PPARGC1B: variants seen among roughly 807,000 people sequenced by gnomAD.
PPARGC1B encodes the protein PPARG coactivator 1 beta.
PPARGC1B carries 34 observed loss-of-function variants against 101.6 expected under a neutral mutation model. The observed-to-expected ratio is 0.33, with a 90% CI of 0.25 to 0.45. PPARGC1B has a LOEUF of 0.45. Ranked by LOEUF, PPARGC1B falls within the 20% of genes least tolerant of loss-of-function variation. The probability of loss-of-function intolerance (pLI) is 1.00; values close to 1 mark genes in which losing one functional copy is unlikely to be tolerated. For synonymous variants in PPARGC1B, 548 were observed against 539.3 expected (o/e 1.02, Z -0.22); for missense variants, 1,234 against 1,317.6 (o/e 0.94, Z 0.98).
rs201635339 is a variant in PPARGC1B, at chr5:149,791,564, AGT to A, written c.79-28861_79-28860del. Among the ~76,000 whole-genome samples, 175 of 152,176 alleles carry A rather than the reference AGT, an allele frequency of 1.1e-3. 3 individuals are homozygous for A. The East Asian group carries it at 0.019, about 17-fold the overall frequency. On this transcript the variant is annotated intron_variant, in intron 1 of 11. Coordinates refer to ENST00000309241, the MANE Select transcript of PPARGC1B (RefSeq NM_133263.4). ...GCTGGGGGATCCAACCTATGGGAAG[AGT>A]GTGTGTGATGTTGTGATCTTATGGT...
At chr5:149,736,213 A>C (rs1580994265) in intron 1 of PPARGC1B, among the ~76,000 whole-genome samples, 1 of 152,212 alleles carries the variant, frequency 6.6e-6, no homozygotes, top group Admixed American at 6.5e-5. Flanking sequence ...AATCCTTGAA[A>C]TGGGGATAAT....
chr5:149,845,654 G>A (rs1249086627), intron 10 of PPARGC1B, 106 bp from the exon 11 acceptor site: 101 of 1,179,842 alleles, frequency 8.6e-5, no homozygotes, highest in Non-Finnish European at 1.2e-4. Flanking sequence ...CACGTGATGT[G>A]GGTATCGAAT....
chr5:149,834,612 G>A, intron 5 of PPARGC1B, 62 bp from the exon 6 acceptor site: 1 of 1,528,600 alleles, frequency 6.5e-7, no homozygotes, highest in Non-Finnish European at 9.0e-7. Flanking sequence ...CTCCTCCAGA[G>A]GGGAAACATC....
At chr5:149,761,844 C>T (rs1561857643) in intron 1 of PPARGC1B, among the ~76,000 whole-genome samples, 1 of 152,186 alleles carries the variant, frequency 6.6e-6, no homozygotes. Flanking sequence ...CAGGGGAGCA[C>T]TGTGTTATCC....
intron 1 of PPARGC1B, among the ~76,000 whole-genome samples, chr5:149,810,028 G>A (rs185792134): frequency 4.6e-5 from 7 of 152,324 alleles, no homozygotes; most frequent in African/African-American, 2.4e-5. Flanking sequence ...ACTGTTCCAG[G>A]AGGGAGGCTG....
chr5:149,780,417 C>T (rs1756554812), intron 1 of PPARGC1B, among the ~76,000 whole-genome samples: 1 of 152,214 alleles, frequency 6.6e-6, no homozygotes, highest in African/African-American at 2.4e-5. Context: ...GTCCAGCTCT[C>T]CACTGTCTCA....
intron 1 of PPARGC1B, among the ~76,000 whole-genome samples, chr5:149,735,574 CACT>C (rs1349209046): frequency 1.3e-5 from 2 of 152,220 alleles, no homozygotes; most frequent in African/African-American, 4.8e-5. Context: ...CTTCTGTTTG[CACT>C]ACTACATTTC....
intron 1 of PPARGC1B, among the ~76,000 whole-genome samples, chr5:149,734,461 T>C (rs1754617541): frequency 6.6e-6 from 1 of 152,102 alleles, no homozygotes; most frequent in Non-Finnish European, 1.5e-5. Flanking sequence ...CAGTAAATAT[T>C]CTACTTAGTA....
intron 10 of PPARGC1B, among the ~76,000 whole-genome samples, chr5:149,843,359 C>CT (rs1759425209): frequency 6.6e-6 from 1 of 152,116 alleles, no homozygotes; most frequent in Admixed American, 6.6e-5. Context: ...CTAAGGCAAA[C>CT]TAAGTTATTC....
chr5:149,788,399 T>C (rs946435638), intron 1 of PPARGC1B, among the ~76,000 whole-genome samples: 9 of 152,214 alleles, frequency 5.9e-5, no homozygotes, highest in African/African-American at 2.2e-4. Flanking sequence ...CCAGTTAGAA[T>C]GGCGATCATT....
At chr5:149,774,541 C>T (rs531557692) in intron 1 of PPARGC1B, among the ~76,000 whole-genome samples, 16 of 152,044 alleles carry the variant, frequency 1.1e-4, no homozygotes, top group South Asian at 2.1e-4. Context: ...CGAGCATTAG[C>T]GGGGATTGGG....
Position 149,832,570 on chromosome 5 carries a change from A to G in PPARGC1B, c.583-86A>G, listed in dbSNP as rs539775040. 5.3e-6 allele frequency: 6 copies of G among 1,138,236 alleles called. No individual in the cohort carries two copies. The highest frequency in any genetic ancestry group is 2.5e-5 in the Admixed American group (1 of 40,740). 70.5% of individuals were successfully genotyped at this position (1,138,236 alleles called of 1,614,324 possible). On this transcript the variant is annotated intron_variant, in intron 4 of 11. Coordinates refer to ENST00000309241, the MANE Select transcript of PPARGC1B (RefSeq NM_133263.4). This position sits in a 1 kb window ranked among gnomAD's most constrained non-coding sequence, Gnocchi z 4.9. ...GTTCCTATGATCCAGGTGAGACACA[A>G]TGGGCCAGCCAGTGACCATGCGGAT... is the stretch of plus-strand genomic sequence containing the variant.
chr5:149,763,175 GC>G (rs563804345), intron 1 of PPARGC1B, among the ~76,000 whole-genome samples: 3 of 152,260 alleles, frequency 2.0e-5, no homozygotes, highest in African/African-American at 7.2e-5. Context: ...CTGCAGCCTC[GC>G]TTGCTCCCTC....
chr5:149,756,684 C>T (rs1375903722), intron 1 of PPARGC1B, among the ~76,000 whole-genome samples: 1 of 152,148 alleles, frequency 6.6e-6, no homozygotes. Context: ...TTTCCTGCCT[C>T]TGTAGACTCT....
chr5:149,842,226 G>A lies in PPARGC1B; in HGVS notation c.2695-30G>A, dbSNP rs185436483. 7.5e-6 allele frequency: 12 copies of A among 1,605,340 alleles called. No individual in the cohort carries two copies. In the Admixed American group the frequency reaches 1.2e-4, roughly 16 times the overall value. ...GGCCCCAGGAAGCCAGGCAATGACG[G>A]AGTCTCTCTCTGTCCTCCTTCTTGG... On this transcript the variant is annotated intron_variant, in intron 9 of 11. Coordinates refer to ENST00000309241, the MANE Select transcript of PPARGC1B (RefSeq NM_133263.4).
At position 149,837,312 on chromosome 5, in the gene PPARGC1B, G is replaced by C. The variant is rs1406660138; in HGVS notation, c.2618+239G>C. Among the ~76,000 whole-genome samples, 1 of 152,176 alleles carries C rather than the reference G, an allele frequency of 6.6e-6. No individual in the cohort carries two copies. The highest frequency in any genetic ancestry group is 2.4e-5 in the African/African-American group (1 of 41,448). On this transcript the variant is annotated intron_variant, in intron 8 of 11. Transcript: ENST00000309241. This position sits in a 1 kb window ranked among gnomAD's most constrained non-coding sequence, Gnocchi z 4.2. ...AAATCGAGAGTGTCCCAAACATCCT[G>C]GCCTCCAGAAAGAAAGAAAACCCAC...
intron 8 of PPARGC1B, among the ~76,000 whole-genome samples, chr5:149,839,772 G>A (rs111956400): frequency 6.6e-6 from 1 of 152,212 alleles, no homozygotes; most frequent in Non-Finnish European, 1.5e-5. Context: ...GGCTCAGAAT[G>A]GGGTGGGATT....
chr5:149,778,325 G>A (rs1756471549), intron 1 of PPARGC1B, among the ~76,000 whole-genome samples: 1 of 152,010 alleles, frequency 6.6e-6, no homozygotes, highest in Admixed American at 6.6e-5. Context: ...TTACCCGCCA[G>A]TCTGCAACTC....
intron 1 of PPARGC1B, among the ~76,000 whole-genome samples, chr5:149,756,854 A>T (rs184976807): frequency 8.5e-5 from 13 of 152,156 alleles, no homozygotes; most frequent in African/African-American, 3.1e-4. Context: ...TGTCTTGTTC[A>T]CTGTCCACCT....
Sources: allele counts gnomAD v4.1 joint callset (sites outside exome capture counted in the v4.1 genomes callset), GRCh38; gene constraint gnomAD v4.1.1; non-coding constraint Gnocchi (gnomAD v3.1); transcripts MANE v1.5; gene names NCBI Gene and HGNC (gene_info 2026-07-23, HGNC 2026-07-21).